The following NT5M variants were observed in gnomAD, a reference collection of about 807,000 sequenced individuals.
NT5M encodes 5',3'-nucleotidase, mitochondrial, also known as 5'(3')-deoxyribonucleotidase, mitochondrial.
A neutral mutation model predicts 22.2 loss-of-function variants in NT5M; 22 were observed. That is an observed-to-expected ratio of 0.99 (90% CI 0.71 to 1.41). The LOEUF is 1.41. Among genes scored for constraint, NT5M ranks in the 40% most tolerant of loss-of-function variants. The pLI is 0.00. For missense variants in NT5M, 322 were observed against 314.8 expected, an observed-to-expected ratio of 1.02 and a Z score of -0.17; for synonymous variants, 167 against 133.0, an observed-to-expected ratio of 1.26 and a Z score of -1.76.
At chr17:17,315,633 A>G (rs2145345159) in intron 2 of NT5M, among the ~76,000 whole-genome samples, 1 of 143,280 alleles carries the variant, frequency 7.0e-6, no homozygotes, top group African/African-American at 2.5e-5. Context: ...TGTTTGTCTG[A>G]GTAACATAAA....
At chr17:17,313,783 T>A (rs1889258316) in intron 2 of NT5M, among the ~76,000 whole-genome samples, 1 of 152,200 alleles carries the variant, frequency 6.6e-6, no homozygotes, top group Non-Finnish European at 1.5e-5. Flanking sequence ...CACGCCATTG[T>A]GCTGCCATCT....
chr17:17,334,275 G>C (rs2049450503), intron 3 of NT5M, among the ~76,000 whole-genome samples: 1 of 150,582 alleles, frequency 6.6e-6, no homozygotes, highest in East Asian at 2.0e-4. Flanking sequence ...CTCGTTTTGA[G>C]TTAATTATCA....
chr17:17,303,642 C>A lies in NT5M; in HGVS notation c.92C>A (p.Ala31Glu), dbSNP rs539603289. ...GGGGCGGCGGGCGGGCTGGGCCTGG[C>A]GGGAGGCCGCGCCCTACGGGTGCTG... Reference protein sequence around the residue: ...RRGAAGGLGLAGGRALRVLVD... With the variant: ...RRGAAGGLGLEGGRALRVLVD... Residue 31 changes from alanine (A) to glutamate (E), a missense_variant, in exon 1 of 5, where the codon GCG becomes GAG. Ala to Glu is a moderately radical substitution (Grantham distance 107, BLOSUM62 -1). Coordinates refer to ENST00000389022, the MANE Select transcript of NT5M (RefSeq NM_020201.4). The A allele has an allele frequency of 4.1e-6, 6 of 1,453,840 alleles. No individual in the cohort carries two copies. The South Asian group carries it at 5.7e-5, about 14-fold the overall frequency. The allele number at this position is 1,453,840 out of a possible 1,614,324, so 90.1% of individuals were successfully genotyped here. A position where few individuals can be genotyped will look rare whatever the true frequency, so the allele number is the denominator to read the frequency against.
rs1290691350 is a variant in NT5M at position 17,306,760 on chromosome 17, A to G, written c.368+117A>G. ...CCTTTCTCTCTCCTTGGCCCTGCGCAAGGCTGCACTTGCCTCGTCATTGCT... is the reference window on the plus strand; with the variant it reads ...CCTTTCTCTCTCCTTGGCCCTGCGCGAGGCTGCACTTGCCTCGTCATTGCT... On this transcript the variant is annotated intron_variant, in intron 2 of 4. Transcript: ENST00000389022. 2.0e-4 allele frequency: 143 copies of G among 731,600 alleles called. 1 individual carries two copies. The East Asian group carries it at 3.5e-3, about 18-fold the overall frequency. The allele number at this position is 731,600 out of a possible 1,614,324, so 45.3% of individuals were successfully genotyped here.
chr17:17,315,259 A>C (rs1030834735), intron 2 of NT5M, among the ~76,000 whole-genome samples: 1 of 152,206 alleles, frequency 6.6e-6, no homozygotes, highest in African/African-American at 2.4e-5. Context: ...TCATGGGTTC[A>C]TTAAACAGAT....
At chr17:17,312,137 A>G (rs2145332782) in intron 2 of NT5M, among the ~76,000 whole-genome samples, 1 of 152,368 alleles carries the variant, frequency 6.6e-6, no homozygotes, top group South Asian at 2.1e-4. Flanking sequence ...TGTGCCTGGC[A>G]CATAGCAGGT....
intron 2 of NT5M, among the ~76,000 whole-genome samples, chr17:17,310,661 C>T (rs1480025759): frequency 6.6e-6 from 1 of 151,898 alleles, no homozygotes; most frequent in Non-Finnish European, 1.5e-5. Context: ...CATGGGGAGA[C>T]CCTGCCTCCA....
intron 2 of NT5M, among the ~76,000 whole-genome samples, chr17:17,322,347 G>A (rs576853635): frequency 6.6e-6 from 1 of 152,238 alleles, no homozygotes; most frequent in African/African-American, 2.4e-5. Context: ...ACTCAGAGGC[G>A]AGTTGGGGAG....
intron 1 of NT5M, 118 bp from the exon 2 acceptor site, chr17:17,306,425 T>C: frequency 1.4e-6 from 1 of 739,052 alleles, no homozygotes; most frequent in Non-Finnish European, 2.4e-6. Context: ...TGGGTGTGTG[T>C]TTGGGGGAGT....
At chr17:17,323,317 C>G (rs1347010682) in intron 3 of NT5M, 72 bp downstream of exon 3, 38 of 1,312,662 alleles carry the variant, frequency 2.9e-5, no homozygotes, top group Non-Finnish European at 3.7e-5. Context: ...GCTCAGCCTG[C>G]CTGTGGAAAG....
chr17:17,334,724 T>G (rs2049467304), intron 3 of NT5M, among the ~76,000 whole-genome samples: 1 of 152,144 alleles, frequency 6.6e-6, no homozygotes, highest in African/African-American at 2.4e-5. Context: ...TCCGCCCACT[T>G]TGGCCTCCCA....
intron 2 of NT5M, among the ~76,000 whole-genome samples, chr17:17,311,281 T>C (rs1477670998): frequency 2.7e-5 from 4 of 149,998 alleles, no homozygotes; most frequent in Non-Finnish European, 4.4e-5. Context: ...GAGCTTGCAG[T>C]GAGCCAAGAT....
At chr17:17,312,465 A>G (rs759162753) in intron 2 of NT5M, among the ~76,000 whole-genome samples, 3 of 151,624 alleles carry the variant, frequency 2.0e-5, no homozygotes, top group Non-Finnish European at 4.4e-5. Flanking sequence ...AACATGGAGA[A>G]ACCCCGTCTC....
intron 1 of NT5M, among the ~76,000 whole-genome samples, 188 bp from the exon 2 acceptor site, chr17:17,306,355 T>C (rs917850312): frequency 6.6e-6 from 1 of 152,110 alleles, no homozygotes; most frequent in Non-Finnish European, 1.5e-5. Flanking sequence ...AGTCAGGTCC[T>C]TTCTGGAAAG....
intron 2 of NT5M, among the ~76,000 whole-genome samples, chr17:17,308,247 C>T (rs2048849306): frequency 6.6e-6 from 1 of 152,122 alleles, no homozygotes; most frequent in South Asian, 2.1e-4. Context: ...TTGACAATTA[C>T]AGAGGATGTG....
At chr17:17,303,970 C>T (rs746493806) in intron 1 of NT5M, 153 bp downstream of exon 1, 8 of 1,250,450 alleles carry the variant, frequency 6.4e-6, no homozygotes, top group Non-Finnish European at 8.0e-6. Flanking sequence ...GGCCACAGCG[C>T]ACCGGGAAGA....
chr17:17,328,650 G>C (rs1459268016), intron 3 of NT5M, among the ~76,000 whole-genome samples: 1 of 152,156 alleles, frequency 6.6e-6, no homozygotes, highest in Non-Finnish European at 1.5e-5. Flanking sequence ...TCCTTCCCCA[G>C]CTCCTGTCCA....
In NT5M at chr17:17,321,238, T is replaced by C. The variant is rs375534860; in HGVS notation, c.369-1947T>C. Among the ~76,000 whole-genome samples the C allele has an allele frequency of 1.2e-3, 187 of 150,982 alleles. 4 individuals are homozygous for C. In the South Asian group the frequency reaches 0.029, roughly 23 times the overall value. On this transcript the variant is annotated intron_variant, in intron 2 of 4. Coordinates refer to ENST00000389022, the MANE Select transcript of NT5M (RefSeq NM_020201.4). ...AGCGGGCATTCGGGAGGTGCCAGCA[T>C]GCGTTTGAATGAGGTTCATGGAGGA...
Position 17,303,518 on chromosome 17 carries a change from C to A in NT5M, c.-33C>A. On this transcript the variant is annotated 5_prime_UTR_variant, in exon 1 of 5. Transcript: ENST00000389022. ...TCCGGCAGCACGGCGCGGCCCAGGT[C>A]CCCGCGCCCACGACGGGCCAGCGCG... is the stretch of plus-strand genomic sequence containing the variant. The A allele has an allele frequency of 9.7e-7, 1 of 1,030,590 alleles. No homozygotes were observed. Among genetic ancestry groups the A allele is most frequent in the South Asian group, 4.4e-5 (1 of 22,556 alleles). 63.8% of individuals were successfully genotyped at this position (1,030,590 alleles called of 1,614,324 possible).
Sources: gnomAD v4.1 joint callset for allele counts (sites outside exome capture counted in the v4.1 genomes callset) on GRCh38, gnomAD v4.1.1 for gene constraint, MANE v1.5 for transcripts, NCBI Gene and HGNC (gene_info 2026-07-23, HGNC 2026-07-21) for gene names.